The following SLC30A6 variants were observed in gnomAD, a reference collection of about 807,000 sequenced individuals.
The protein encoded by SLC30A6 is zinc transporter 6.
In SLC30A6, 55 loss-of-function variants were observed where a neutral mutation model predicts 63.0. The observed-to-expected ratio is 0.87, with a 90% CI of 0.70 to 1.09. The LOEUF is 1.09. Ranked by LOEUF, SLC30A6 falls within the 50% of genes least tolerant of loss-of-function variation. The pLI, the probability that SLC30A6 is intolerant of heterozygous loss-of-function variation, is 0.00. For missense variants in SLC30A6, 587 were observed against 549.2 expected, an observed-to-expected ratio of 1.07 and a Z score of -0.69; for synonymous variants, 224 against 186.1, an observed-to-expected ratio of 1.20 and a Z score of -1.66.
intron 10 of SLC30A6, chr2:32,201,659 C>T (rs1428840744): frequency 1.6e-5 from 24 of 1,509,540 alleles, no homozygotes; most frequent in Non-Finnish European, 2.1e-5. Context: ...TGGAGGAGTC[C>T]GAGAGCCAGA....
chr2:32,209,445 A>T (rs772196752), intron 12 of SLC30A6, 48 bp from the exon 13 acceptor site: 9 of 1,441,526 alleles, frequency 6.2e-6, no homozygotes, highest in Non-Finnish European at 8.6e-6. Flanking sequence ...ACTGCATTGG[A>T]TATGTTAAGT....
chr2:32,221,146 G>A lies in SLC30A6; in HGVS notation c.*433G>A. The stretch of plus-strand genomic sequence containing the variant: ...TAACTTAAGGCTGTACTTTATTAAG[G>A]CTTCCTTAGTTTTTGTTTTGTTTTG... On this transcript the variant is annotated 3_prime_UTR_variant, in exon 14 of 14. Coordinates refer to ENST00000282587, the MANE Select transcript of SLC30A6 (RefSeq NM_017964.5). The A allele has an allele frequency of 4.9e-6, 1 of 205,042 alleles. No individual in the cohort carries two copies. Among genetic ancestry groups the A allele is most frequent in the Non-Finnish European group, 9.6e-6 (1 of 103,650 alleles). The allele number at this position is 205,042 out of a possible 1,614,324, so 12.7% of individuals were successfully genotyped here.
At chr2:32,208,334 T>C (rs1684961791) in intron 12 of SLC30A6, among the ~76,000 whole-genome samples, 1 of 152,044 alleles carries the variant, frequency 6.6e-6, no homozygotes, top group Non-Finnish European at 1.5e-5. Context: ...TTTCACCATG[T>C]TGGCCAGGCT....
At chr2:32,208,083 C>T (rs1434110530) in intron 12 of SLC30A6, among the ~76,000 whole-genome samples, 3 of 151,790 alleles carry the variant, frequency 2.0e-5, no homozygotes, top group Non-Finnish European at 2.9e-5. Context: ...CCACCCGCCT[C>T]GGCCTCCCAA....
intron 2 of SLC30A6, 151 bp from the exon 3 acceptor site, chr2:32,173,912 A>G: frequency 1.9e-6 from 1 of 518,086 alleles, no homozygotes; most frequent in Non-Finnish European, 3.4e-6. Flanking sequence ...AGCCGATGAC[A>G]ATTTTGGTAG....
rs753604180 is a variant in SLC30A6 at position 32,209,632 on chromosome 2, AT to A, written c.885+72del. On this transcript the variant is annotated intron_variant, in intron 13 of 13. Transcript: ENST00000282587. ...CTTCCATTTTTAAAACTGAAAAAAA[AT>A]ATTTCCTTAAAATTTTTATAGAGCC... 446 of 1,302,068 alleles carry A rather than the reference AT, an allele frequency of 3.4e-4. 1 individual carries two copies. The highest frequency in any genetic ancestry group is 4.2e-4 in the Non-Finnish European group (397 of 934,906). 80.7% of individuals were successfully genotyped at this position (1,302,068 alleles called of 1,614,324 possible).
chr2:32,200,672 C>A (rs1684208014), intron 10 of SLC30A6, among the ~76,000 whole-genome samples: 1 of 151,414 alleles, frequency 6.6e-6, no homozygotes, highest in African/African-American at 2.4e-5. Flanking sequence ...CGTTAAGAGT[C>A]ATCACCACTC....
chr2:32,210,654 A>T (rs1685187095), intron 13 of SLC30A6, among the ~76,000 whole-genome samples: 1 of 151,724 alleles, frequency 6.6e-6, no homozygotes, highest in Admixed American at 6.6e-5. Context: ...AAAAAAACAG[A>T]TAGGGTTTGA....
At position 32,197,407 on chromosome 2, in the gene SLC30A6, A is replaced by AT; in HGVS notation, c.545+15_545+16insT. On this transcript the variant is annotated intron_variant, in intron 9 of 13. Coordinates refer to ENST00000282587, the MANE Select transcript of SLC30A6 (RefSeq NM_017964.5). Reference sequence around the variant, plus strand: ...CTTAGTCGAAGGTAAGATGTTATGGAGTTTCATGATATGCATAATTTAAAG... The same window carrying AT: ...CTTAGTCGAAGGTAAGATGTTATGGATGTTTCATGATATGCATAATTTAAAG... 1 of 1,609,296 alleles carries AT rather than the reference A, an allele frequency of 6.2e-7. No homozygotes were observed. The highest frequency in any genetic ancestry group is 8.5e-7 in the Non-Finnish European group (1 of 1,175,866).
At chr2:32,180,209 C>G (rs1422014382) in intron 4 of SLC30A6, among the ~76,000 whole-genome samples, 1 of 152,050 alleles carries the variant, frequency 6.6e-6, no homozygotes, top group Non-Finnish European at 1.5e-5. Flanking sequence ...CAAGACCAGC[C>G]TGGGCAATAC....
chr2:32,220,916 A>G lies in SLC30A6; in HGVS notation c.*203A>G. On this transcript the variant is annotated 3_prime_UTR_variant, in exon 14 of 14. Transcript: ENST00000282587. Reference sequence around the variant, plus strand: ...AATCCTCGTAAATGTTAAAGGCTTTAAATAGGCTTCCTTTAGAAAATGTGT... The same window carrying G: ...AATCCTCGTAAATGTTAAAGGCTTTGAATAGGCTTCCTTTAGAAAATGTGT... The G allele has an allele frequency of 1.9e-6, 1 of 538,964 alleles. No individual in the cohort carries two copies. Among genetic ancestry groups the G allele is most frequent in the Non-Finnish European group, 3.2e-6 (1 of 313,328 alleles). The allele number at this position is 538,964 out of a possible 1,614,324, so 33.4% of individuals were successfully genotyped here.
rs140782866 is a variant in SLC30A6, at chr2:32,195,545, G to A, written c.496+1562G>A. ...TAATCAGCCTCTTTAGATCAACTTCGTCTGCATTTTTTATTCTTTCTGTAG... is the reference window on the plus strand; with the variant it reads ...TAATCAGCCTCTTTAGATCAACTTCATCTGCATTTTTTATTCTTTCTGTAG... On this transcript the variant is annotated intron_variant, in intron 8 of 13. Transcript: ENST00000282587. 3.6e-3 allele frequency among the ~76,000 whole-genome samples: 544 copies of A among 149,490 alleles called. 3 individuals are homozygous for A. Among genetic ancestry groups the A allele is most frequent in the African/African-American group, 0.012 (499 of 40,678 alleles).
intron 5 of SLC30A6, among the ~76,000 whole-genome samples, chr2:32,190,838 CT>C (rs1473919553): frequency 6.6e-6 from 1 of 152,160 alleles, no homozygotes; most frequent in Non-Finnish European, 1.5e-5. Flanking sequence ...GTTAGCCAGG[CT>C]GGTCTTGAAC....
intron 10 of SLC30A6, among the ~76,000 whole-genome samples, chr2:32,199,836 T>C (rs1272898183): frequency 2.6e-5 from 4 of 152,112 alleles, no homozygotes; most frequent in African/African-American, 7.2e-5. Context: ...TTTATTTGGC[T>C]GGGTGCGGTG....
chr2:32,167,219 G>A lies in SLC30A6; in HGVS notation c.3+1316G>A, dbSNP rs1056421194. Among the ~76,000 whole-genome samples, 13 of 152,158 alleles carry A rather than the reference G, an allele frequency of 8.5e-5. No homozygotes were observed. In the East Asian group the frequency reaches 2.5e-3, roughly 29 times the overall value. ...CCTTCCCGAGCAGCTGGGATTACAGGAATGCGCCACCACGCCTGGCTAATT... is the reference window on the plus strand; with the variant it reads ...CCTTCCCGAGCAGCTGGGATTACAGAAATGCGCCACCACGCCTGGCTAATT... On this transcript the variant is annotated intron_variant, in intron 1 of 13. Coordinates refer to ENST00000282587, the MANE Select transcript of SLC30A6 (RefSeq NM_017964.5).
intron 13 of SLC30A6, among the ~76,000 whole-genome samples, chr2:32,210,749 T>C (rs1685194621): frequency 1.3e-5 from 2 of 152,132 alleles, no homozygotes; most frequent in Non-Finnish European, 2.9e-5. Context: ...TTGCAGTCTT[T>C]AGTTTCAGGC....
intron 1 of SLC30A6, among the ~76,000 whole-genome samples, chr2:32,168,842 C>A (rs1680916114): frequency 6.6e-6 from 1 of 152,138 alleles, no homozygotes; most frequent in Non-Finnish European, 1.5e-5. Flanking sequence ...CCTGGAAATT[C>A]AGGTTGTAAA....
intron 11 of SLC30A6, among the ~76,000 whole-genome samples, chr2:32,205,914 C>T (rs1391684599): frequency 1.3e-5 from 2 of 151,748 alleles, no homozygotes; most frequent in African/African-American, 2.4e-5. Flanking sequence ...GTGAGCCACC[C>T]GCCTTGAACC....
intron 5 of SLC30A6, among the ~76,000 whole-genome samples, chr2:32,191,656 A>C (rs1683331465): frequency 6.6e-6 from 1 of 151,954 alleles, no homozygotes; most frequent in South Asian, 2.1e-4. Context: ...GAGTTTGAAA[A>C]CCTTCTACTT....
Sources: allele counts gnomAD v4.1 joint callset (sites outside exome capture counted in the v4.1 genomes callset), GRCh38; gene constraint gnomAD v4.1.1; transcripts MANE v1.5; gene names NCBI Gene and HGNC (gene_info 2026-07-23, HGNC 2026-07-21).